The following SUCO variants were observed in gnomAD, a reference collection of about 807,000 sequenced individuals.
SUCO encodes the protein SUN domain-containing ossification factor.
Under a neutral mutation model 148.1 loss-of-function variants are expected in SUCO, and 57 were observed. The observed-to-expected ratio is 0.38, with a 90% CI of 0.31 to 0.48. The LOEUF (loss-of-function observed/expected upper bound fraction) is 0.48, where lower values mean the gene tolerates loss of function less well. Ranked by LOEUF, SUCO falls within the 20% of genes least tolerant of loss-of-function variation. SUCO has a pLI of 0.96. For synonymous variants in SUCO, 470 were observed against 502.7 expected, an observed-to-expected ratio of 0.93 and a Z score of 0.87; for missense variants, 1,331 against 1,468.2, an observed-to-expected ratio of 0.91 and a Z score of 1.53.
chr1:172,570,092 A>G lies in SUCO; in HGVS notation c.902A>G (p.Lys301Arg). 1 of 1,593,516 alleles carries G rather than the reference A, an allele frequency of 6.3e-7. No homozygotes were observed. Among genetic ancestry groups the G allele is most frequent in the South Asian group, 1.1e-5 (1 of 87,610 alleles). ...TCTAATGGAGGTTCACATGCCACCA[A>G]AAAGGTCCAGAAAAATCGAAATAAT... The part of the protein sequence containing the change: ...ASSNGGSHAT[K>R]KVQKNRNNYA... Residue 301 changes from lysine (K) to arginine (R), a missense_variant, in exon 8 of 24, where the codon AAA (lysine) becomes AGA (arginine). Lys to Arg is a conservative substitution (Grantham distance 26, BLOSUM62 2). Around this residue, in one of 3 missense-constraint regions of SUCO, gnomAD observed 992 missense variants for 1,093.5 expected, o/e 0.91. Transcript: ENST00000263688.
chr1:172,533,054 CGCG>C, upstream of SUCO: 1 of 1,429,556 alleles, frequency 7.0e-7, no homozygotes, highest in Non-Finnish European at 9.1e-7. Context: ...TGTGAGGTGT[CGCG>C]GCCCCGCCGG....
chr1:172,573,200 T>C (rs1330195047), intron 9 of SUCO, among the ~76,000 whole-genome samples: 1 of 152,098 alleles, frequency 6.6e-6, no homozygotes, highest in Non-Finnish European at 1.5e-5. Flanking sequence ...TCATCATACC[T>C]CTTTGTAATT....
intron 22 of SUCO, 96 bp downstream of exon 22, chr1:172,602,883 C>A: frequency 5.9e-6 from 6 of 1,025,344 alleles, no homozygotes; most frequent in African/African-American, 1.6e-5. Flanking sequence ...CCATCTGCAA[C>A]AAAAAATGGA....
At chr1:172,578,607 G>A (rs1655638162) in intron 14 of SUCO, 1 of 898,554 alleles carries the variant, frequency 1.1e-6, no homozygotes, top group Non-Finnish European at 1.3e-6. Context: ...TCACTTATTT[G>A]TAACTGAAAC....
intron 9 of SUCO, among the ~76,000 whole-genome samples, chr1:172,573,434 C>A (rs577903070): frequency 5.9e-5 from 9 of 151,986 alleles, no homozygotes; most frequent in Admixed American, 2.0e-4. Flanking sequence ...GTGTGTACTT[C>A]GATATAGCAA....
intron 10 of SUCO, 31 bp from the exon 11 acceptor site, chr1:172,575,487 T>TA: frequency 2.7e-6 from 4 of 1,489,576 alleles, no homozygotes; most frequent in Non-Finnish European, 2.8e-6. Context: ...TTATAATTTT[T>TA]AAAAAAGAAC....
chr1:172,542,532 A>T (rs1652552070), intron 1 of SUCO, among the ~76,000 whole-genome samples: 1 of 152,104 alleles, frequency 6.6e-6, no homozygotes, highest in South Asian at 2.1e-4. Context: ...TTACTGCCTG[A>T]GCTCCACCTC....
chr1:172,575,666 T>C (rs759751986), intron 11 of SUCO, 43 bp downstream of exon 11: 3 of 1,361,916 alleles, frequency 2.2e-6, no homozygotes, highest in South Asian at 1.2e-5. Context: ...AATGAAAATA[T>C]ACGTGTTATT....
At chr1:172,578,116 T>G (rs1012840603) in intron 13 of SUCO, among the ~76,000 whole-genome samples, 182 bp from the exon 14 acceptor site, 6 of 151,956 alleles carry the variant, frequency 3.9e-5, no homozygotes, top group African/African-American at 1.4e-4. Flanking sequence ...TTAAATAGAT[T>G]AGTTTTACAT....
At chr1:172,533,010 C>G (rs1296800249), upstream of SUCO, 4 of 1,424,542 alleles carry the variant, frequency 2.8e-6, no homozygotes, top group African/African-American at 2.9e-5. Context: ...CGCCGCGGGA[C>G]TTGGGTGACG....
At position 172,589,709 on chromosome 1, in the gene SUCO, C is replaced by G. The variant is rs1406699157; in HGVS notation, c.2608C>G (p.Gln870Glu). The G allele has an allele frequency of 1.2e-6, 2 of 1,613,680 alleles. No individual in the cohort carries two copies. Among genetic ancestry groups the G allele is most frequent in the Non-Finnish European group, 1.7e-6 (2 of 1,179,714 alleles). Residue 870 changes from glutamine to glutamate, a missense_variant, in exon 18 of 24, where the codon CAG becomes GAG. By Grantham distance (29) the Gln-to-Glu change is conservative. Coordinates refer to ENST00000263688, the MANE Select transcript of SUCO (RefSeq NM_014283.5). ...ATTACCTGAAGTAAAAGAAGAAGAACAGTCTCCAGAAGATGCCCTTTTGAG... is the reference window on the plus strand; with the variant it reads ...ATTACCTGAAGTAAAAGAAGAAGAAGAGTCTCCAGAAGATGCCCTTTTGAG... ...SSLPEVKEEEQSPEDALLRGL... is the reference protein window; with the variant it reads ...SSLPEVKEEEESPEDALLRGL...
chr1:172,602,350 T>C, intron 21 of SUCO, 132 bp downstream of exon 21: 1 of 1,411,244 alleles, frequency 7.1e-7, no homozygotes, highest in Non-Finnish European at 9.2e-7. Context: ...ACCAAAACAT[T>C]AAAAACATCA....
rs376806946 is a variant in SUCO at position 172,608,751 on chromosome 1, C to T, written c.3270C>T (p.Asp1090=). 3 of 1,572,606 alleles carry T rather than the reference C, an allele frequency of 1.9e-6. No individual in the cohort carries two copies. The African/African-American group carries it at 4.1e-5, about 22-fold the overall frequency. ...TTTTTTTTTTTTTACTTACAGTAGA[C>T]CCAAATGATTTGTACATTGTAGAAC... ...KSLQLTGKEV[D]PNDLYIVEPL... Residue 1090 remains aspartate (D), a synonymous_variant, in exon 23 of 24, where the codon GAC becomes GAT. Transcript: ENST00000263688.
At chr1:172,563,648 G>A (rs1423867339) in intron 6 of SUCO, among the ~76,000 whole-genome samples, 1 of 152,316 alleles carries the variant, frequency 6.6e-6, no homozygotes, top group Admixed American at 6.5e-5. Flanking sequence ...TATTTAAAAC[G>A]GAAGCAGAGT....
upstream of SUCO, chr1:172,532,659 G>A (rs1651671460): frequency 6.2e-7 from 1 of 1,614,032 alleles, no homozygotes; most frequent in East Asian, 2.2e-5. Flanking sequence ...GATCAGTCTC[G>A]TGGTGAGCAG....
chr1:172,541,170 G>T (rs1652426359), intron 1 of SUCO, among the ~76,000 whole-genome samples: 1 of 152,004 alleles, frequency 6.6e-6, no homozygotes, highest in African/African-American at 2.4e-5. Flanking sequence ...TATTTACATA[G>T]CATTTACATA....
At chr1:172,558,204 TG>T (rs1400981192) in intron 6 of SUCO, among the ~76,000 whole-genome samples, 1 of 152,254 alleles carries the variant, frequency 6.6e-6, no homozygotes, top group Non-Finnish European at 1.5e-5. Context: ...ACTATTTTAA[TG>T]GAACATTTTA....
At chr1:172,577,123 A>G in intron 11 of SUCO, 1 of 377,310 alleles carries the variant, frequency 2.7e-6, no homozygotes, top group Non-Finnish European at 3.6e-6. Flanking sequence ...ATATATATGT[A>G]TATGTGCATA....
chr1:172,589,794 G>A lies in SUCO; in HGVS notation c.2693G>A (p.Gly898Glu), dbSNP rs983156957. ...GAATTGCAAAATTCTACAGATCTAG[G>A]ATATGCTAATGGAAATCTTGTACAT... ...YAELQNSTDLGYANGNLVHGS... is the reference protein window; with the variant it reads ...YAELQNSTDLEYANGNLVHGS... The change falls in exon 18 of 24, where the codon GGA (glycine) becomes GAA (glutamate). Residue 898 changes from glycine to glutamate, a missense_variant. By Grantham distance (98) the Gly-to-Glu change is moderately conservative (BLOSUM62 -2). Around this residue, in one of 3 missense-constraint regions of SUCO, gnomAD observed 992 missense variants for 1,093.5 expected, o/e 0.91. Transcript: ENST00000263688. The A allele has an allele frequency of 6.2e-7, 1 of 1,612,056 alleles. No individual in the cohort carries two copies.
Sources: gnomAD v4.1 joint callset for allele counts (sites outside exome capture counted in the v4.1 genomes callset) on GRCh38, gnomAD v4.1.1 for gene constraint, gnomAD v4.1.1 regional missense constraint, MANE v1.5 for transcripts, NCBI Gene and HGNC (gene_info 2026-07-23, HGNC 2026-07-21) for gene names.